TGFBR3: variants seen among roughly 807,000 people sequenced by gnomAD.
The protein encoded by TGFBR3 is transforming growth factor beta receptor 3.
Under a neutral mutation model 87.9 loss-of-function variants are expected in TGFBR3, and 46 were observed. The ratio of observed to expected loss-of-function variants is 0.52; its 90% CI spans 0.41 to 0.67. The LOEUF is 0.67. Among genes scored for constraint, TGFBR3 ranks in the 30% least tolerant of loss-of-function variants. The pLI, the probability that TGFBR3 is intolerant of heterozygous loss-of-function variation, is 0.00. For missense variants in TGFBR3, 866 were observed against 1,041.9 expected (o/e 0.83, Z 2.32); for synonymous variants, 381 against 391.6 (o/e 0.97, Z 0.32).
chr1:91,881,042 G>A (rs895782147), intron 1 of TGFBR3, among the ~76,000 whole-genome samples: 11 of 152,024 alleles, frequency 7.2e-5, no homozygotes, highest in African/African-American at 2.2e-4. Flanking sequence ...ATCAAGAAGG[G>A]AGGTAATTCA....
intron 2 of TGFBR3, among the ~76,000 whole-genome samples, chr1:91,821,052 C>T (rs929940200): frequency 1.3e-5 from 2 of 151,976 alleles, no homozygotes; most frequent in African/African-American, 2.4e-5. Flanking sequence ...TAGTAATGGC[C>T]GGGCACAGTG....
chr1:91,798,900 C>G (rs1223775020), intron 2 of TGFBR3, among the ~76,000 whole-genome samples: 1 of 152,186 alleles, frequency 6.6e-6, no homozygotes, highest in Non-Finnish European at 1.5e-5. Flanking sequence ...ATCACTGCAG[C>G]CTCCTTTCAC....
chr1:91,889,698 G>GA (rs1679405819), upstream of TGFBR3, among the ~76,000 whole-genome samples: 1 of 151,936 alleles, frequency 6.6e-6, no homozygotes, highest in Non-Finnish European at 1.5e-5. Flanking sequence ...TTTTGAGACG[G>GA]AGTTTCCCTC....
chr1:91,823,803 T>C (rs1676538090), intron 2 of TGFBR3, among the ~76,000 whole-genome samples: 1 of 152,258 alleles, frequency 6.6e-6, no homozygotes, highest in Non-Finnish European at 1.5e-5. Flanking sequence ...CAGGCATATG[T>C]ATTCATTAAT....
chr1:91,725,024 G>T (rs779466850), intron 7 of TGFBR3, among the ~76,000 whole-genome samples: 10 of 152,080 alleles, frequency 6.6e-5, no homozygotes, highest in Non-Finnish European at 2.9e-5. Flanking sequence ...ACCTCTAACA[G>T]GTTTCCTCCA....
At chr1:91,894,428 A>C (rs1202411598) in intron 2 of TGFBR3, among the ~76,000 whole-genome samples, 1 of 152,104 alleles carries the variant, frequency 6.6e-6, no homozygotes, top group Non-Finnish European at 1.5e-5. Flanking sequence ...CTCCCTTTGC[A>C]CTAACTCCTC....
At chr1:91,846,112 T>C (rs1490785512) in intron 2 of TGFBR3, among the ~76,000 whole-genome samples, 1 of 152,072 alleles carries the variant, frequency 6.6e-6, no homozygotes, top group Non-Finnish European at 1.5e-5. Context: ...TAGAAAACAA[T>C]ATAGCCACAA....
At chr1:91,698,498 T>C (rs1671505635) in intron 14 of TGFBR3, among the ~76,000 whole-genome samples, 1 of 151,376 alleles carries the variant, frequency 6.6e-6, no homozygotes, top group Non-Finnish European at 1.5e-5. Context: ...AATATTATTC[T>C]GCTTTCAAAA....
chr1:91,766,193 G>GTTTTTT, intron 3 of TGFBR3, among the ~76,000 whole-genome samples: 1 of 93,718 alleles, frequency 1.1e-5, no homozygotes, highest in Non-Finnish European at 2.2e-5. Flanking sequence ...AGCTAAGTTT[G>GTTTTTT]TTTTCTTTTT....
At chr1:91,732,316 C>A (rs534361626) in intron 5 of TGFBR3, among the ~76,000 whole-genome samples, 1 of 152,138 alleles carries the variant, frequency 6.6e-6, no homozygotes, top group Non-Finnish European at 1.5e-5. Context: ...AGTTCCCAAA[C>A]GTCAGCAAGC....
At position 91,797,296 on chromosome 1, in the gene TGFBR3, TA is replaced by T; in HGVS notation, c.236del (p.Leu79HisfsTer9). On this transcript the variant is annotated frameshift_variant, in exon 3 of 17. Transcript: ENST00000212355. LOFTEE classifies it high-confidence loss of function. ...LRTAGQGPGQ[L>X]QREVTLHLNP... is the part of the protein sequence containing the mutation. Reference sequence around the variant, plus strand: ...TGACACCTGCACCTACCTCTCTCTGTAGCTGGCCAGGCCCCTGGCCTGCAGT... The same window carrying T: ...TGACACCTGCACCTACCTCTCTCTGTGCTGGCCAGGCCCCTGGCCTGCAGT... 2 of 1,614,138 alleles carry T rather than the reference TA, an allele frequency of 1.2e-6. No individual in the cohort carries two copies. The highest frequency in any genetic ancestry group is 1.7e-6 in the Non-Finnish European group (2 of 1,180,014).
chr1:91,680,871 T>G lies in TGFBR3; in HGVS notation c.*2868A>C, dbSNP rs1458341551. 2.2e-6 allele frequency: 1 copy of G among 447,618 alleles called. No individual in the cohort carries two copies. The highest frequency in any genetic ancestry group is 2.0e-5 in the African/African-American group (1 of 49,628). The allele number at this position is 447,618 out of a possible 1,614,324, so 27.7% of individuals were successfully genotyped here. A position where few individuals can be genotyped will look rare whatever the true frequency, so the allele number is the denominator to read the frequency against. ...CAAGGCAAAGAAAAAAACCATTTTT[T>G]TTGTTTAGAAAATGCTATAGAAACA... is the stretch of plus-strand genomic sequence containing the variant. On this transcript the variant is annotated 3_prime_UTR_variant, in exon 17 of 17. Coordinates refer to ENST00000212355, the MANE Select transcript of TGFBR3 (RefSeq NM_003243.5).
chr1:91,849,562 A>G (rs779171133), intron 2 of TGFBR3, among the ~76,000 whole-genome samples: 8 of 152,162 alleles, frequency 5.3e-5, no homozygotes, highest in Non-Finnish European at 1.0e-4. Context: ...CCCCGCTAAC[A>G]ATCCCCAACC....
chr1:91,698,456 C>A (rs1671504605), intron 14 of TGFBR3, among the ~76,000 whole-genome samples: 1 of 151,620 alleles, frequency 6.6e-6, no homozygotes, highest in South Asian at 2.1e-4. Flanking sequence ...AAATTCAATA[C>A]CTTTAAGTAC....
intron 2 of TGFBR3, among the ~76,000 whole-genome samples, chr1:91,821,463 T>C (rs530641653): frequency 6.6e-6 from 1 of 152,268 alleles, no homozygotes; most frequent in African/African-American, 2.4e-5. Flanking sequence ...TTTAAAAATA[T>C]GCTCTACTTT....
intron 1 of TGFBR3, among the ~76,000 whole-genome samples, chr1:91,879,713 G>A (rs532431477): frequency 6.6e-6 from 1 of 152,264 alleles, no homozygotes; most frequent in South Asian, 2.1e-4. Context: ...AAGAATGCTT[G>A]GAAATTTGTG....
At chr1:91,699,431 C>CTTTTTTTTTTTTTTTTTTTTTTT (rs60223260) in intron 14 of TGFBR3, among the ~76,000 whole-genome samples, 3 of 80,846 alleles carry the variant, frequency 3.7e-5, no homozygotes, top group African/African-American at 5.1e-5. Flanking sequence ...CTTTCTTTTG[C>CTTTTTTTTTTTTTTTTTTTTTTT]TTTTTTTTTT....
intron 2 of TGFBR3, among the ~76,000 whole-genome samples, chr1:91,829,305 G>T (rs12133180): frequency 6.6e-6 from 1 of 151,652 alleles, no homozygotes; most frequent in African/African-American, 2.4e-5. Context: ...GAACCCAGGA[G>T]GCAGAGGTTG....
intron 3 of TGFBR3, among the ~76,000 whole-genome samples, chr1:91,758,968 A>T (rs1222875369): frequency 6.6e-6 from 1 of 152,214 alleles, no homozygotes; most frequent in African/African-American, 2.4e-5. Context: ...ATATTAGTCA[A>T]CCACACTAAT....
Sources: gnomAD v4.1 joint callset for allele counts (sites outside exome capture counted in the v4.1 genomes callset) on GRCh38, gnomAD v4.1.1 for gene constraint, MANE v1.5 for transcripts, NCBI Gene and HGNC (gene_info 2026-07-23, HGNC 2026-07-21) for gene names.